The following STXBP5L variants were observed in gnomAD, a reference collection of about 807,000 sequenced individuals.
STXBP5L encodes the protein syntaxin binding protein 5L, also known as syntaxin-binding protein 5-like.
Under a neutral mutation model 144.5 loss-of-function variants are expected in STXBP5L, and 65 were observed. The observed-to-expected ratio is 0.45, with a 90% CI of 0.37 to 0.55. STXBP5L has a LOEUF of 0.55. Among genes scored for constraint, STXBP5L ranks in the 20% least tolerant of loss-of-function variants. STXBP5L has a pLI of 0.00. For synonymous variants in STXBP5L, 505 were observed against 469.6 expected (o/e 1.08, Z -0.97); for missense variants, 1,298 against 1,405.5 (o/e 0.92, Z 1.22).
intron 20 of STXBP5L, among the ~76,000 whole-genome samples, chr3:121,321,410 A>G (rs2043964990): frequency 6.6e-6 from 1 of 152,222 alleles, no homozygotes; most frequent in South Asian, 2.1e-4. Context: ...ATGATAATTA[A>G]TTGTGCTATA....
chr3:121,015,527 T>C (rs1377392172), intron 3 of STXBP5L, among the ~76,000 whole-genome samples: 1 of 152,070 alleles, frequency 6.6e-6, no homozygotes, highest in African/African-American at 2.4e-5. Context: ...AATTGGTGGG[T>C]GCTGAATGTG....
At chr3:121,050,174 C>G (rs548539462) in intron 5 of STXBP5L, among the ~76,000 whole-genome samples, 2 of 152,162 alleles carry the variant, frequency 1.3e-5, no homozygotes, top group African/African-American at 4.8e-5. Context: ...ACCACTGTTT[C>G]TTCTCTCCAT....
chr3:120,992,036 TG>T (rs1252336489), intron 3 of STXBP5L, among the ~76,000 whole-genome samples: 1 of 152,206 alleles, frequency 6.6e-6, no homozygotes, highest in Non-Finnish European at 1.5e-5. Context: ...TCCATGTTTT[TG>T]CTTTAAATTG....
In STXBP5L at chr3:121,348,947, G is replaced by A. The variant is rs185077841; in HGVS notation, c.2177-29769G>A. ...TGATTTTTTGAAGGGTTTTTTGTGTGTCTATCTCCTTCAGTTCTGCTCTGA... is the reference window on the plus strand; with the variant it reads ...TGATTTTTTGAAGGGTTTTTTGTGTATCTATCTCCTTCAGTTCTGCTCTGA... On this transcript the variant is annotated intron_variant, in intron 20 of 26. Coordinates refer to ENST00000471454, the MANE Select transcript of STXBP5L (RefSeq NM_001308330.2). 3.3e-3 allele frequency among the ~76,000 whole-genome samples: 503 copies of A among 151,902 alleles called. 3 individuals carry two copies. The highest frequency in any genetic ancestry group is 4.0e-3 in the Admixed American group (61 of 15,216).
chr3:121,275,556 A>T (rs2050855448), intron 18 of STXBP5L, among the ~76,000 whole-genome samples: 1 of 152,160 alleles, frequency 6.6e-6, no homozygotes, highest in Non-Finnish European at 1.5e-5. Flanking sequence ...GGAGGTTCAC[A>T]GTGTCGCTTA....
At chr3:121,085,601 T>G (rs530971556) in intron 5 of STXBP5L, among the ~76,000 whole-genome samples, 2 of 152,150 alleles carry the variant, frequency 1.3e-5, no homozygotes, top group South Asian at 4.1e-4. Flanking sequence ...ATAAAATATC[T>G]AGGAATATAG....
At chr3:121,087,748 C>T (rs3906000) in intron 5 of STXBP5L, among the ~76,000 whole-genome samples, 77,482 of 151,474 alleles carry the variant, frequency 0.51, 20,247 homozygotes, top group Admixed American at 0.6. Context: ...CTGCTTTTTT[C>T]CCCTTGCCTT....
At chr3:121,055,848 C>T (rs977446210) in intron 5 of STXBP5L, among the ~76,000 whole-genome samples, 2 of 148,072 alleles carry the variant, frequency 1.4e-5, no homozygotes, top group African/African-American at 5.1e-5. Context: ...TGATGCCTGA[C>T]TAATGTTAAT....
intron 7 of STXBP5L, among the ~76,000 whole-genome samples, chr3:121,128,444 T>C (rs981221221): frequency 6.6e-6 from 1 of 152,132 alleles, no homozygotes; most frequent in African/African-American, 2.4e-5. Flanking sequence ...CTGAGGAGAC[T>C]GTCTTCACTT....
chr3:121,277,939 T>C (rs760702512), intron 18 of STXBP5L, among the ~76,000 whole-genome samples: 7 of 152,034 alleles, frequency 4.6e-5, no homozygotes, highest in African/African-American at 9.7e-5. Context: ...GTGGCTCTTT[T>C]ATAGGTCTTG....
chr3:121,067,557 A>C (rs529404263), intron 5 of STXBP5L, among the ~76,000 whole-genome samples: 35 of 152,168 alleles, frequency 2.3e-4, no homozygotes, highest in Admixed American at 2.6e-4. Context: ...CAATTTTAGT[A>C]AATGTGCACA....
intron 20 of STXBP5L, among the ~76,000 whole-genome samples, chr3:121,371,695 A>G (rs2046033389): frequency 2.0e-5 from 3 of 152,300 alleles, no homozygotes; most frequent in South Asian, 4.1e-4. Context: ...TGGTGTTATC[A>G]TGGGAGCACC....
chr3:121,140,814 A>G (rs1237328323), intron 7 of STXBP5L, among the ~76,000 whole-genome samples: 1 of 152,182 alleles, frequency 6.6e-6, no homozygotes, highest in Non-Finnish European at 1.5e-5. Context: ...AATAAATTGT[A>G]AGATATCTAA....
intron 14 of STXBP5L, among the ~76,000 whole-genome samples, chr3:121,242,858 C>T (rs1295428535): frequency 1.3e-5 from 2 of 152,102 alleles, no homozygotes; most frequent in African/African-American, 4.8e-5. Flanking sequence ...AGACTTTGTT[C>T]TCCACAGGCA....
intron 18 of STXBP5L, among the ~76,000 whole-genome samples, chr3:121,279,421 T>A (rs968720979): frequency 6.6e-6 from 1 of 151,946 alleles, no homozygotes; most frequent in Non-Finnish European, 1.5e-5. Flanking sequence ...GAAAAAGGCA[T>A]CTAATTACAT....
chr3:121,135,726 C>T (rs1238812858), intron 7 of STXBP5L, among the ~76,000 whole-genome samples: 1 of 152,182 alleles, frequency 6.6e-6, no homozygotes, highest in Non-Finnish European at 1.5e-5. Context: ...CTGCCATTCA[C>T]CTCCTGCTGT....
At position 121,413,227 on chromosome 3, in the gene STXBP5L, A is replaced by G; in HGVS notation, c.3018A>G (p.Thr1006=). The G allele has an allele frequency of 6.2e-7, 1 of 1,610,868 alleles. No individual in the cohort carries two copies. Among genetic ancestry groups the G allele is most frequent in the Non-Finnish European group, 8.5e-7 (1 of 1,179,088 alleles). Residue 1006 remains threonine (T), a synonymous_variant, in exon 24 of 27, where the codon ACA becomes ACG. Coordinates refer to ENST00000471454, the MANE Select transcript of STXBP5L (RefSeq NM_001308330.2). The stretch of plus-strand genomic sequence containing the variant: ...TGACAGACATGAGGATAGCACGAAC[A>G]TTTTGTTTTACCAATGAAGGACAGG... The part of the protein sequence containing the change: ...LPLTDMRIAR[T]FCFTNEGQAL...
chr3:121,275,412 T>C (rs1240487314), intron 18 of STXBP5L, among the ~76,000 whole-genome samples: 1 of 152,174 alleles, frequency 6.6e-6, no homozygotes, highest in Non-Finnish European at 1.5e-5. Flanking sequence ...TTCTTTAATT[T>C]CTCTCAACAA....
chr3:121,023,492 C>T (rs936777242), intron 3 of STXBP5L, among the ~76,000 whole-genome samples: 1 of 152,140 alleles, frequency 6.6e-6, no homozygotes, highest in African/African-American at 2.4e-5. Flanking sequence ...CCATTGCAAA[C>T]TACACTACAA....
Sources: gnomAD v4.1 joint callset for allele counts (sites outside exome capture counted in the v4.1 genomes callset) on GRCh38, gnomAD v4.1.1 for gene constraint, MANE v1.5 for transcripts, NCBI Gene and HGNC (gene_info 2026-07-23, HGNC 2026-07-21) for gene names.